DACH2: variants seen among roughly 807,000 people sequenced by gnomAD.
DACH2 encodes dachshund family transcription factor 2, also known as dachshund homolog 2.
Under a neutral mutation model 35.8 loss-of-function variants are expected in DACH2, and 17 were observed. The ratio of observed to expected loss-of-function variants is 0.48; its 90% confidence interval spans 0.33 to 0.71. DACH2 has a LOEUF of 0.71. Ranked by LOEUF, DACH2 falls within the 30% of genes least tolerant of loss-of-function variation. The probability of loss-of-function intolerance (pLI) is 0.02; values close to 1 mark genes in which losing one functional copy is unlikely to be tolerated. For missense variants in DACH2, 469 were observed against 472.7 expected, an observed-to-expected ratio of 0.99 and a Z score of 0.07; for synonymous variants, 195 against 177.3, an observed-to-expected ratio of 1.10 and a Z score of -0.79.
intron 3 of DACH2, among the ~76,000 whole-genome samples, chrX:86,606,484 A>G (rs1412605180): frequency 9.0e-6 from 1 of 111,093 alleles, no homozygotes; most frequent in Non-Finnish European, 1.9e-5. Context: ...CTTTCCATGT[A>G]TTTGTATAGT....
At chrX:86,316,630 C>T (rs1022415206) in intron 1 of DACH2, among the ~76,000 whole-genome samples, 3 of 111,264 alleles carry the variant, frequency 2.7e-5, no homozygotes, top group African/African-American at 9.8e-5. Context: ...GGGAATTGGG[C>T]GATGACTTCT....
intron 2 of DACH2, among the ~76,000 whole-genome samples, chrX:86,435,231 A>T (rs2037048965): frequency 9.0e-6 from 1 of 111,675 alleles, no homozygotes; most frequent in African/African-American, 3.3e-5. Flanking sequence ...TCATCTGATG[A>T]TTTTTATTTA....
intron 7 of DACH2, among the ~76,000 whole-genome samples, chrX:86,755,667 G>C (rs1487557795): frequency 1.0e-5 from 1 of 100,309 alleles, no homozygotes; most frequent in East Asian, 3.1e-4. Flanking sequence ...ACGTGATCTC[G>C]GCTCACTGCA....
chrX:86,465,927 A>C (rs1024884973), intron 2 of DACH2, among the ~76,000 whole-genome samples: 2 of 111,830 alleles, frequency 1.8e-5, no homozygotes, highest in Non-Finnish European at 3.8e-5. Context: ...ATAGCTGTAC[A>C]ATCGATATGC....
intron 7 of DACH2, among the ~76,000 whole-genome samples, chrX:86,796,908 T>C (rs776690098): frequency 3.6e-5 from 4 of 111,779 alleles, no homozygotes; most frequent in Admixed American, 9.5e-5. Context: ...GTTTTTTTTT[T>C]CTATACATAC....
chrX:86,426,420 A>G (rs1000564833), intron 2 of DACH2, among the ~76,000 whole-genome samples: 2 of 111,510 alleles, frequency 1.8e-5, no homozygotes, highest in Admixed American at 1.9e-4. Flanking sequence ...ATGTTACTCT[A>G]AAAACATCTT....
chrX:86,572,545 A>G (rs926128720), intron 3 of DACH2, among the ~76,000 whole-genome samples: 1 of 111,594 alleles, frequency 9.0e-6, no homozygotes, highest in African/African-American at 3.3e-5. Context: ...TGCCTTATTT[A>G]GCTGGATAGG....
intron 3 of DACH2, among the ~76,000 whole-genome samples, chrX:86,522,535 C>T (rs1017736561): frequency 4.5e-5 from 5 of 111,346 alleles, no homozygotes; most frequent in South Asian, 3.7e-4. Flanking sequence ...ATTTATTGAA[C>T]ATCTGCTCTG....
intron 1 of DACH2, among the ~76,000 whole-genome samples, chrX:86,221,687 T>C (rs1297477285): frequency 1.8e-5 from 2 of 112,337 alleles, no homozygotes; most frequent in Non-Finnish European, 3.8e-5. Context: ...TTTATATTCA[T>C]GTTTAGTGAC....
At chrX:86,662,868 A>G (rs1272916961) in intron 4 of DACH2, among the ~76,000 whole-genome samples, 1 of 111,596 alleles carries the variant, frequency 9.0e-6, no homozygotes, top group Non-Finnish European at 1.9e-5. Flanking sequence ...GGATTAACAC[A>G]CTGAATATTA....
intron 5 of DACH2, among the ~76,000 whole-genome samples, chrX:86,695,677 A>AT (rs1005297290): frequency 1.8e-5 from 2 of 109,176 alleles, no homozygotes; most frequent in East Asian, 5.8e-4. Flanking sequence ...GTCCAGCTAA[A>AT]TTTTTTTGTA....
chrX:86,451,572 G>GA, intron 2 of DACH2, among the ~76,000 whole-genome samples: 1 of 111,092 alleles, frequency 9.0e-6, no homozygotes, highest in Non-Finnish European at 1.9e-5. Flanking sequence ...AGTTTTAAAA[G>GA]TTTTTTTCTA....
At chrX:86,551,689 A>AAC (rs2039050965) in intron 3 of DACH2, among the ~76,000 whole-genome samples, 1 of 112,107 alleles carries the variant, frequency 8.9e-6, no homozygotes, top group Non-Finnish European at 1.9e-5. Context: ...GCAGATCAGT[A>AAC]ACTTGTATTT....
At chrX:86,579,161 C>T (rs1203658182) in intron 3 of DACH2, among the ~76,000 whole-genome samples, 1 of 108,959 alleles carries the variant, frequency 9.2e-6, no homozygotes, top group Non-Finnish European at 1.9e-5. Context: ...GGCACAATCT[C>T]GGCTCACTGC....
intron 2 of DACH2, among the ~76,000 whole-genome samples, chrX:86,444,149 A>C (rs1248973020): frequency 8.9e-6 from 1 of 111,943 alleles, no homozygotes; most frequent in Non-Finnish European, 1.9e-5. Flanking sequence ...GGAATGCAGT[A>C]GTGCTATCAT....
intron 1 of DACH2, among the ~76,000 whole-genome samples, chrX:86,341,246 T>TA (rs1324812916): frequency 8.9e-6 from 1 of 111,741 alleles, no homozygotes; most frequent in African/African-American, 3.3e-5. Flanking sequence ...ACTCTCTTGT[T>TA]AGAGTCTAAT....
At chrX:86,556,491 C>T (rs1447098516) in intron 3 of DACH2, among the ~76,000 whole-genome samples, 1 of 109,119 alleles carries the variant, frequency 9.2e-6, no homozygotes, top group East Asian at 2.9e-4. Flanking sequence ...TTCTCAAGTT[C>T]TAAATATTGG....
intron 1 of DACH2, among the ~76,000 whole-genome samples, chrX:86,323,709 G>T (rs776600055): frequency 9.0e-6 from 1 of 111,433 alleles, no homozygotes; most frequent in Non-Finnish European, 1.9e-5. Context: ...ATCCTCAGTT[G>T]CTCCAGGACC....
At chrX:86,528,478 G>A (rs2038666157) in intron 3 of DACH2, among the ~76,000 whole-genome samples, 1 of 111,667 alleles carries the variant, frequency 9.0e-6, no homozygotes, top group African/African-American at 3.3e-5. Context: ...CCCATGTTTA[G>A]TTTCAAAGGA....
Sources: allele counts gnomAD v4.1 joint callset (sites outside exome capture counted in the v4.1 genomes callset), GRCh38; gene constraint gnomAD v4.1.1; transcripts MANE v1.5; gene names NCBI Gene and HGNC (gene_info 2026-07-23, HGNC 2026-07-21).